NOTCH2NLB: variants seen among roughly 807,000 people sequenced by gnomAD.
The protein encoded by NOTCH2NLB is notch homolog 2 N-terminal-like protein B.
NOTCH2NLB carries 1 observed loss-of-function variant against 14.8 expected under a neutral mutation model. The ratio of observed to expected loss-of-function variants is 0.07; its 90% CI spans 0.02 to 0.32. The LOEUF is 0.32. Ranked by LOEUF, NOTCH2NLB falls within the 10% of genes least tolerant of loss-of-function variation. The pLI is 1.00. For missense variants in NOTCH2NLB, 11 were observed against 155.0 expected, an observed-to-expected ratio of 0.07 and a Z score of 4.93; for synonymous variants, 6 against 57.5, an observed-to-expected ratio of 0.10 and a Z score of 4.05.
At chr1:148,691,770 C>T in the NOTCH2NLB span, among the ~76,000 whole-genome samples, 9 of 63,826 alleles carry the variant, frequency 1.4e-4, no homozygotes, top group Non-Finnish European at 2.0e-4. Flanking sequence ...GATGGCTTAG[C>T]GCCATCCCCT....
chr1:148,610,914 G>A (rs1202638079), intron 3 of NOTCH2NLB, among the ~76,000 whole-genome samples: 6 of 81,398 alleles, frequency 7.4e-5, no homozygotes, highest in African/African-American at 2.0e-4. Context: ...AAAAAAAAAA[G>A]GTGATCAGAA....
the NOTCH2NLB span, among the ~76,000 whole-genome samples, chr1:148,688,095 C>CA: frequency 2.6e-5 from 3 of 116,886 alleles, no homozygotes; most frequent in Admixed American, 8.2e-5. Flanking sequence ...ACAACAACAA[C>CA]AACAAAAAAA....
At chr1:148,637,980 T>A (rs1664251013) in intron 2 of NOTCH2NLB, among the ~76,000 whole-genome samples, 1 of 147,842 alleles carries the variant, frequency 6.8e-6, no homozygotes, top group African/African-American at 2.5e-5. Flanking sequence ...ATTTTCTTTA[T>A]CCAGTCTATC....
At chr1:148,605,025 AG>A (rs1663467399), downstream of NOTCH2NLB, among the ~76,000 whole-genome samples, 1 of 143,798 alleles carries the variant, frequency 7.0e-6, no homozygotes, top group Non-Finnish European at 1.5e-5. Flanking sequence ...GATTATAATT[AG>A]GAGTGTCTTG....
intron 2 of NOTCH2NLB, among the ~76,000 whole-genome samples, chr1:148,637,634 T>C (rs1183002268): frequency 6.8e-6 from 1 of 146,404 alleles, no homozygotes; most frequent in Non-Finnish European, 1.5e-5. Context: ...TGCAGGTTTG[T>C]TTCATAGGTA....
At chr1:148,602,259 C>CAAAA (rs1173403342), downstream of NOTCH2NLB, among the ~76,000 whole-genome samples, 14 of 21,226 alleles carry the variant, frequency 6.6e-4, no homozygotes, top group Non-Finnish European at 8.4e-4. Flanking sequence ...TGCTCCGTCT[C>CAAAA]AAAAAAAAAA....
At chr1:148,610,896 A>C (rs1448696133) in intron 3 of NOTCH2NLB, among the ~76,000 whole-genome samples, 1 of 89,042 alleles carries the variant, frequency 1.1e-5, no homozygotes, top group Non-Finnish European at 2.0e-5. Flanking sequence ...CCATCTCAAA[A>C]AAAAAAAAAA....
At chr1:148,638,052 C>T (rs1174965586) in intron 2 of NOTCH2NLB, among the ~76,000 whole-genome samples, 15 of 148,670 alleles carry the variant, frequency 1.0e-4, no homozygotes, top group Non-Finnish European at 1.5e-4. Flanking sequence ...GAAGTAAACA[C>T]ACATGTGCAT....
chr1:148,601,134 C>G, the NOTCH2NLB span, among the ~76,000 whole-genome samples: 20 of 150,640 alleles, frequency 1.3e-4, 1 homozygote, highest in African/African-American at 5.0e-4. Context: ...TACCCAATTG[C>G]AGTCCATATG....
At chr1:148,601,159 G>A in the NOTCH2NLB span, among the ~76,000 whole-genome samples, 4 of 150,382 alleles carry the variant, frequency 2.7e-5, no homozygotes, top group African/African-American at 7.5e-5. Flanking sequence ...CTGGGATCCC[G>A]GAGTTCCCTT....
exon 1 of NOTCH2NLB, chr1:148,679,584 G>A (rs1443708862): frequency 2.7e-6 from 3 of 1,109,784 alleles, no homozygotes; most frequent in Admixed American, 3.9e-5. Context: ...TCCACATGGG[G>A]AGGGGGTCCC....
At position 148,670,535 on chromosome 1, in the gene NOTCH2NLB, A is replaced by ATATATATATATAT. The variant is rs1347581270; in HGVS notation, c.3+8926_3+8927insATATATATATATA. 8.1e-4 allele frequency among the ~76,000 whole-genome samples: 49 copies of ATATATATATATAT among 60,428 alleles called. 1 individual carries two copies. Among genetic ancestry groups the ATATATATATATAT allele is most frequent in the East Asian group, 1.7e-3 (2 of 1,162 alleles). 39.6% of individuals were successfully genotyped at this position (60,428 alleles called of 152,430 possible). A position where few individuals can be genotyped will look rare whatever the true frequency, so the allele number is the denominator to read the frequency against. ...TGTAGATCTGTTCATAAACTAAAAA[A>ATATATATATATAT]AAAAATATATATATATACATATATA... On this transcript the variant is annotated intron_variant, in intron 1 of 4. Coordinates refer to ENST00000593495, the Ensembl canonical transcript of NOTCH2NLB.
intron 2 of NOTCH2NLB, among the ~76,000 whole-genome samples, chr1:148,633,277 G>C (rs1253289065): frequency 8.1e-6 from 1 of 123,884 alleles, no homozygotes; most frequent in African/African-American, 3.6e-5. Flanking sequence ...TCCTCAGCTG[G>C]GCGTGGTGGC....
Position 148,623,885 on chromosome 1 carries a change from T to C in NOTCH2NLB, c.78-7935A>G, listed in dbSNP as rs1376212112. Among the ~76,000 whole-genome samples, 3 of 76,838 alleles carry C rather than the reference T, an allele frequency of 3.9e-5. 1 individual carries two copies. Among genetic ancestry groups the C allele is most frequent in the Non-Finnish European group, 6.4e-5 (3 of 46,868 alleles). The allele number at this position is 76,838 out of a possible 152,430, so 50.4% of individuals were successfully genotyped here. A position where few individuals can be genotyped will look rare whatever the true frequency, so the allele number is the denominator to read the frequency against. ...AAAGTCAGTCTCTCAATCCAAATGT[T>C]CCACAAAATCCATCTCTACTCTGTG... On this transcript the variant is annotated intron_variant, in intron 2 of 4. Transcript: ENST00000593495.
chr1:148,631,327 CTT>C (rs1180986357), intron 2 of NOTCH2NLB, among the ~76,000 whole-genome samples: 2 of 96,008 alleles, frequency 2.1e-5, no homozygotes, highest in African/African-American at 1.2e-4. Context: ...TCATAAAACT[CTT>C]TTCATAAAGA....
chr1:148,685,501 T>C, the NOTCH2NLB span, among the ~76,000 whole-genome samples: 1 of 151,772 alleles, frequency 6.6e-6, no homozygotes, highest in Non-Finnish European at 1.5e-5. Context: ...AGAGGGGACA[T>C]CAAAAGTAAG....
At chr1:148,604,954 C>T (rs1347887515), downstream of NOTCH2NLB, among the ~76,000 whole-genome samples, 6 of 53,186 alleles carry the variant, frequency 1.1e-4, no homozygotes, top group South Asian at 1.2e-3. Context: ...GCCATATACA[C>T]ACACACACAC....
At chr1:148,637,692 T>A (rs1664239891) in intron 2 of NOTCH2NLB, among the ~76,000 whole-genome samples, 1 of 141,682 alleles carries the variant, frequency 7.1e-6, no homozygotes, top group Admixed American at 6.9e-5. Context: ...GTCATCCAGG[T>A]TTTAAGCCCC....
intron 1 of NOTCH2NLB, among the ~76,000 whole-genome samples, chr1:148,674,927 T>A (rs1399039533): frequency 8.7e-6 from 1 of 114,816 alleles, no homozygotes; most frequent in African/African-American, 2.9e-5. Context: ...AAGTTTGCAA[T>A]ATCCAACTCA....
Sources: gnomAD v4.1 joint callset for allele counts (sites outside exome capture counted in the v4.1 genomes callset) on GRCh38, gnomAD v4.1.1 for gene constraint, MANE v1.5 for transcripts, NCBI Gene and HGNC (gene_info 2026-07-23, HGNC 2026-07-21) for gene names.